The following ANKRD12 variants were observed in gnomAD, a reference collection of about 807,000 sequenced individuals.
The protein encoded by ANKRD12 is ankyrin repeat domain 12.
In ANKRD12, 85 loss-of-function variants were observed where a neutral mutation model predicts 183.4. The observed-to-expected ratio is 0.46, with a 90% CI of 0.39 to 0.56. ANKRD12 has a LOEUF of 0.56. Among genes scored for constraint, ANKRD12 ranks in the 20% least tolerant of loss-of-function variants. The pLI, the probability that ANKRD12 is intolerant of heterozygous loss-of-function variation, is 0.00. For synonymous variants in ANKRD12, 914 were observed against 800.2 expected (o/e 1.14, Z -2.40); for missense variants, 2,405 against 2,357.1 (o/e 1.02, Z -0.42).
At chr18:9,262,744 A>G (rs2098094579) in intron 9 of ANKRD12, among the ~76,000 whole-genome samples, 1 of 132,768 alleles carries the variant, frequency 7.5e-6, no homozygotes, top group African/African-American at 2.8e-5. Flanking sequence ...TCCCAAAGTG[A>G]TGGGATTACA....
chr18:9,175,174 A>C (rs117697522), intron 1 of ANKRD12, among the ~76,000 whole-genome samples: 263 of 152,272 alleles, frequency 1.7e-3, no homozygotes, highest in East Asian at 0.014. Context: ...CCTGGAACTC[A>C]CTAAATGCTG....
intron 2 of ANKRD12, among the ~76,000 whole-genome samples, chr18:9,185,516 A>G (rs553780135): frequency 3.9e-5 from 6 of 152,336 alleles, no homozygotes; most frequent in African/African-American, 1.4e-4. Flanking sequence ...TTTGCTTTGT[A>G]CTTGCTGAAC....
chr18:9,144,100 A>G lies in ANKRD12; in HGVS notation c.-52+7135A>G, dbSNP rs192902942. Among the ~76,000 whole-genome samples, 196 of 152,308 alleles carry G rather than the reference A, an allele frequency of 1.3e-3. 1 individual carries two copies. Among genetic ancestry groups the G allele is most frequent in the Non-Finnish European group, 1.9e-3 (129 of 68,014 alleles). ...GGAAATAATCATTTGCATTTTCTCT[A>G]CTGTGACTTGACACATCATATCCTG... On this transcript the variant is annotated intron_variant, in intron 1 of 12. Coordinates refer to ENST00000262126, the MANE Select transcript of ANKRD12 (RefSeq NM_015208.5).
Position 9,195,568 on chromosome 18 carries a change from A to G in ANKRD12, c.105A>G (p.Ala35=), listed in dbSNP as rs373430865. The change falls in exon 3 of 13, where the codon GCA becomes GCG. Residue 35 remains alanine (A), a synonymous_variant. Coordinates refer to ENST00000262126, the MANE Select transcript of ANKRD12 (RefSeq NM_015208.5). ...TTTAATAGAGTAAAGACAAGATTGC[A>G]TCCTACAGCAAAACTCCAAAAATTG... ...PYGRKSKDKI[A]SYSKTPKIER... is the part of the protein sequence containing the mutation. The G allele has an allele frequency of 1.6e-5, 25 of 1,607,430 alleles. No individual in the cohort carries two copies. In the African/African-American group the frequency reaches 3.3e-4, roughly 22 times the overall value.
intron 10 of ANKRD12, among the ~76,000 whole-genome samples, chr18:9,270,151 T>C (rs2039516017): frequency 6.6e-6 from 1 of 152,186 alleles, no homozygotes; most frequent in Non-Finnish European, 1.5e-5. Flanking sequence ...AGGAATACTT[T>C]TACACTGTTG....
At chr18:9,174,419 G>A (rs919339152) in intron 1 of ANKRD12, among the ~76,000 whole-genome samples, 9 of 152,196 alleles carry the variant, frequency 5.9e-5, no homozygotes, top group African/African-American at 1.9e-4. Flanking sequence ...CTGGGTTTAC[G>A]TGTGAGCCTG....
chr18:9,279,246 A>G (rs778640818), intron 11 of ANKRD12, among the ~76,000 whole-genome samples: 3 of 152,206 alleles, frequency 2.0e-5, no homozygotes, highest in Non-Finnish European at 4.4e-5. Flanking sequence ...TTATACAGTA[A>G]TAATGTCACG....
chr18:9,172,127 G>T (rs1408692106), intron 1 of ANKRD12, among the ~76,000 whole-genome samples: 5 of 150,430 alleles, frequency 3.3e-5, no homozygotes, highest in Admixed American at 2.7e-4. Flanking sequence ...GTTTCCCTTT[G>T]TAGGTGGCCT....
At chr18:9,209,649 A>C (rs192560442) in intron 5 of ANKRD12, among the ~76,000 whole-genome samples, 280 of 152,326 alleles carry the variant, frequency 1.8e-3, no homozygotes, top group Non-Finnish European at 2.6e-3. Context: ...TTTTAAAAAT[A>C]GAGTACGTTG....
chr18:9,240,227 A>G (rs1308091484), intron 8 of ANKRD12, among the ~76,000 whole-genome samples: 1 of 152,194 alleles, frequency 6.6e-6, no homozygotes, highest in Non-Finnish European at 1.5e-5. Flanking sequence ...TGTTGCAGGA[A>G]TACATGTCCT....
At chr18:9,209,954 G>A (rs2035697573) in intron 5 of ANKRD12, among the ~76,000 whole-genome samples, 1 of 152,018 alleles carries the variant, frequency 6.6e-6, no homozygotes, top group Non-Finnish European at 1.5e-5. Flanking sequence ...CTTTATTTAT[G>A]TAGCTTTTCT....
intron 1 of ANKRD12, among the ~76,000 whole-genome samples, chr18:9,158,927 C>T (rs2030997984): frequency 6.6e-6 from 1 of 152,126 alleles, no homozygotes; most frequent in African/African-American, 2.4e-5. Context: ...GGTTATAATC[C>T]AATACTACTA....
intron 1 of ANKRD12, among the ~76,000 whole-genome samples, chr18:9,173,589 C>G (rs2032953442): frequency 9.8e-6 from 1 of 102,242 alleles, no homozygotes; most frequent in Non-Finnish European, 1.8e-5. Context: ...TGCTCCTTCC[C>G]TTGGGAGCTC....
chr18:9,237,971 A>C (rs1338135595), intron 8 of ANKRD12, among the ~76,000 whole-genome samples: 1 of 152,182 alleles, frequency 6.6e-6, no homozygotes, highest in Non-Finnish European at 1.5e-5. Flanking sequence ...CTTAAGGTAC[A>C]TTGTAGACTG....
At chr18:9,184,210 A>G (rs1045745183) in intron 2 of ANKRD12, among the ~76,000 whole-genome samples, 14 of 152,328 alleles carry the variant, frequency 9.2e-5, no homozygotes, top group South Asian at 2.1e-4. Flanking sequence ...AGAGAAATCA[A>G]TGTTTATGTA....
chr18:9,141,338 A>C (rs1293470862), intron 1 of ANKRD12, among the ~76,000 whole-genome samples: 1 of 152,196 alleles, frequency 6.6e-6, no homozygotes. Context: ...TTTGCTATTG[A>C]TATCATGCTT....
chr18:9,177,098 C>CT (rs1347327076), intron 1 of ANKRD12, among the ~76,000 whole-genome samples: 1 of 152,136 alleles, frequency 6.6e-6, no homozygotes, highest in African/African-American at 2.4e-5. Flanking sequence ...TACAGTAGAG[C>CT]TTGCAGCTGG....
At chr18:9,187,634 T>C (rs1215674364) in intron 2 of ANKRD12, among the ~76,000 whole-genome samples, 2 of 152,226 alleles carry the variant, frequency 1.3e-5, no homozygotes, top group Non-Finnish European at 2.9e-5. Context: ...ATAGTTAGGA[T>C]TTTGACAAGA....
intron 2 of ANKRD12, among the ~76,000 whole-genome samples, chr18:9,192,649 T>G (rs1339954097): frequency 6.6e-6 from 1 of 152,156 alleles, no homozygotes; most frequent in Non-Finnish European, 1.5e-5. Context: ...TGTAAAATCT[T>G]GTGGAGTAGG....
Sources: gnomAD v4.1 joint callset for allele counts (sites outside exome capture counted in the v4.1 genomes callset) on GRCh38, gnomAD v4.1.1 for gene constraint, MANE v1.5 for transcripts, NCBI Gene and HGNC (gene_info 2026-07-23, HGNC 2026-07-21) for gene names.